The following TAFA4 variants were observed in gnomAD, a reference collection of about 807,000 sequenced individuals.
TAFA4 encodes chemokine-like protein TAFA-4.
Under a neutral mutation model 21.1 loss-of-function variants are expected in TAFA4, and 20 were observed. That is an observed-to-expected ratio of 0.95 (90% CI 0.67 to 1.38). TAFA4 has a LOEUF of 1.38. Among genes scored for constraint, TAFA4 ranks in the 40% most tolerant of loss-of-function variants. The pLI, the probability that TAFA4 is intolerant of heterozygous loss-of-function variation, is 0.00. For synonymous variants in TAFA4, 71 were observed against 67.4 expected (o/e 1.05, Z -0.26); for missense variants, 211 against 180.9 (o/e 1.17, Z -0.95).
chr3:68,928,485 TGACC>T lies in TAFA4; in HGVS notation c.-123+3751_-123+3754del, dbSNP rs574282121. 3.3e-4 allele frequency among the ~76,000 whole-genome samples: 50 copies of T among 152,350 alleles called. 1 individual carries two copies. In the East Asian group the frequency reaches 9.4e-3, roughly 29 times the overall value. Reference sequence around the variant, plus strand: ...CCATAAATCATTATCTTAAACTGCCTGACCATCATTCTAACATCCATGTCTTTCC... The same window carrying T: ...CCATAAATCATTATCTTAAACTGCCTATCATTCTAACATCCATGTCTTTCC... On this transcript the variant is annotated intron_variant, in intron 1 of 5. Transcript: ENST00000295569.
At chr3:68,926,941 C>A (rs912618465) in intron 1 of TAFA4, among the ~76,000 whole-genome samples, 2 of 152,066 alleles carry the variant, frequency 1.3e-5, no homozygotes, top group African/African-American at 2.4e-5. Flanking sequence ...AATAATAATT[C>A]TTTGCTGTGG....
chr3:68,871,099 C>T (rs560669847), intron 3 of TAFA4, among the ~76,000 whole-genome samples: 1 of 152,244 alleles, frequency 6.6e-6, no homozygotes, highest in African/African-American at 2.4e-5. Context: ...TGCTTTTACA[C>T]TGTTGGTGGG....
Position 68,825,703 on chromosome 3 carries a change from T to C in TAFA4, c.130+55027A>G, listed in dbSNP as rs1026624854. Among the ~76,000 whole-genome samples the C allele has an allele frequency of 3.9e-5, 6 of 152,170 alleles. 1 individual carries two copies. Among genetic ancestry groups the C allele is most frequent in the Admixed American group, 3.9e-4 (6 of 15,274 alleles). On this transcript the variant is annotated intron_variant, in intron 3 of 5. Coordinates refer to ENST00000295569, the MANE Select transcript of TAFA4 (RefSeq NM_182522.5). ...ACTCATAAGAATGAAAATGAAACCT[T>C]TGAAAGGACAGCTTTTCCCTATCTG...
At chr3:68,801,149 T>C (rs2106827597) in intron 3 of TAFA4, among the ~76,000 whole-genome samples, 1 of 152,338 alleles carries the variant, frequency 6.6e-6, no homozygotes, top group African/African-American at 2.4e-5. Context: ...CCAGGGCTAT[T>C]TGTTTTATTT....
chr3:68,746,473 T>C lies in TAFA4; in HGVS notation c.286+6390A>G, dbSNP rs188208531. ...TAAGAAAACATCTTCCTAGAATATA[T>C]GCTTTATAAAATATGCTCCAAGATT... is the stretch of plus-strand genomic sequence containing the variant. On this transcript the variant is annotated intron_variant, in intron 4 of 5. Coordinates refer to ENST00000295569, the MANE Select transcript of TAFA4 (RefSeq NM_182522.5). Among the ~76,000 whole-genome samples the C allele has an allele frequency of 1.2e-4, 19 of 152,324 alleles. No homozygotes were observed. The East Asian group carries it at 3.5e-3, about 28-fold the overall frequency.
intron 3 of TAFA4, among the ~76,000 whole-genome samples, chr3:68,800,261 G>A (rs1265086934): frequency 6.6e-6 from 1 of 152,006 alleles, no homozygotes; most frequent in African/African-American, 2.4e-5. Flanking sequence ...CAAAAATGTT[G>A]GGAACCACTG....
chr3:68,866,823 G>GA (rs373288248), intron 3 of TAFA4, among the ~76,000 whole-genome samples: 2 of 151,366 alleles, frequency 1.3e-5, no homozygotes, highest in African/African-American at 2.4e-5. Context: ...AATAAAACCA[G>GA]AAAAAAGTCT....
intron 3 of TAFA4, among the ~76,000 whole-genome samples, chr3:68,781,615 T>C (rs2106797378): frequency 6.6e-6 from 1 of 152,266 alleles, no homozygotes; most frequent in African/African-American, 2.4e-5. Context: ...ATTAAAATTA[T>C]ACTTTAAAAC....
chr3:68,803,895 C>T (rs1447173982), intron 3 of TAFA4, among the ~76,000 whole-genome samples: 1 of 146,052 alleles, frequency 6.8e-6, no homozygotes, highest in Non-Finnish European at 1.5e-5. Context: ...ACCTCCACCT[C>T]CCAGGTTCAA....
intron 3 of TAFA4, among the ~76,000 whole-genome samples, chr3:68,861,824 T>C (rs895469159): frequency 6.6e-6 from 1 of 152,060 alleles, no homozygotes; most frequent in South Asian, 2.1e-4. Context: ...GGATTCTCAC[T>C]GGCTGGAAAT....
intron 3 of TAFA4, among the ~76,000 whole-genome samples, chr3:68,775,411 C>T (rs1014596574): frequency 6.6e-6 from 1 of 152,124 alleles, no homozygotes; most frequent in African/African-American, 2.4e-5. Context: ...TACCGCTACA[C>T]ATACAAGGGA....
intron 1 of TAFA4, among the ~76,000 whole-genome samples, chr3:68,893,114 C>A (rs529228069): frequency 6.6e-6 from 1 of 152,190 alleles, no homozygotes; most frequent in South Asian, 2.1e-4. Context: ...GGAAATTTTC[C>A]TCTCATTTCT....
intron 3 of TAFA4, among the ~76,000 whole-genome samples, chr3:68,775,334 A>G (rs1994592): frequency 0.035 from 5,400 of 152,218 alleles, 301 homozygotes; most frequent in East Asian, 0.25. Context: ...TCACTGTGAA[A>G]TAGGCACAAA....
At chr3:68,742,516 T>C (rs1409717089) in intron 4 of TAFA4, among the ~76,000 whole-genome samples, 1 of 152,126 alleles carries the variant, frequency 6.6e-6, no homozygotes, top group Non-Finnish European at 1.5e-5. Flanking sequence ...ACCCGGCTAA[T>C]TTCCTTCCTG....
chr3:68,800,497 A>C (rs558396077), intron 3 of TAFA4, among the ~76,000 whole-genome samples: 1 of 152,222 alleles, frequency 6.6e-6, no homozygotes, highest in Non-Finnish European at 1.5e-5. Flanking sequence ...ACAGAATCAA[A>C]CTTGTCGAAA....
At chr3:68,804,031 A>C (rs939530441) in intron 3 of TAFA4, among the ~76,000 whole-genome samples, 1 of 151,704 alleles carries the variant, frequency 6.6e-6, no homozygotes, top group Non-Finnish European at 1.5e-5. Context: ...CAGGTGATCC[A>C]CCTGCCTCAG....
At chr3:68,848,471 G>A (rs1323479486) in intron 3 of TAFA4, among the ~76,000 whole-genome samples, 1 of 152,248 alleles carries the variant, frequency 6.6e-6, no homozygotes, top group East Asian at 1.9e-4. Flanking sequence ...TTTTCCCCAG[G>A]AAGGAGGTAT....
chr3:68,748,471 G>C (rs373380222), intron 4 of TAFA4, among the ~76,000 whole-genome samples: 1 of 152,152 alleles, frequency 6.6e-6, no homozygotes, highest in Non-Finnish European at 1.5e-5. Flanking sequence ...GGCCGGGTGC[G>C]GTGGCTCATG....
chr3:68,794,415 C>T (rs1167367401), intron 3 of TAFA4, among the ~76,000 whole-genome samples: 1 of 152,138 alleles, frequency 6.6e-6, no homozygotes, highest in Non-Finnish European at 1.5e-5. Context: ...ACAAAGTAAT[C>T]TAACACCCGG....
Sources: gnomAD v4.1 joint callset for allele counts (sites outside exome capture counted in the v4.1 genomes callset) on GRCh38, gnomAD v4.1.1 for gene constraint, MANE v1.5 for transcripts, NCBI Gene and HGNC (gene_info 2026-07-23, HGNC 2026-07-21) for gene names.